Variants in STAU2 observed in about 807,000 individuals in gnomAD.
STAU2 encodes the protein double-stranded RNA-binding protein Staufen homolog 2.
A neutral mutation model predicts 65.9 loss-of-function variants in STAU2; 20 were observed. The ratio of observed to expected loss-of-function variants is 0.30; its 90% CI spans 0.21 to 0.44. The LOEUF (loss-of-function observed/expected upper bound fraction) is 0.44, where lower values mean the gene tolerates loss of function less well. Among genes scored for constraint, STAU2 ranks in the 20% least tolerant of loss-of-function variants. The pLI, the probability that STAU2 is intolerant of heterozygous loss-of-function variation, is 1.00. For missense variants in STAU2, 558 were observed against 683.9 expected (o/e 0.82, Z 2.05); for synonymous variants, 232 against 233.9 (o/e 0.99, Z 0.07).
At chr8:73,689,006 T>A (rs919400909) in intron 4 of STAU2, among the ~76,000 whole-genome samples, 193 bp from the exon 5 acceptor site, 1 of 152,184 alleles carries the variant, frequency 6.6e-6, no homozygotes, top group Admixed American at 6.5e-5. Flanking sequence ...TTCTGTTCTA[T>A]CCTATCCAAA....
At chr8:73,515,362 G>C (rs1444584490) in intron 13 of STAU2, among the ~76,000 whole-genome samples, 1 of 152,172 alleles carries the variant, frequency 6.6e-6, no homozygotes, top group African/African-American at 2.4e-5. Context: ...CTGAATGTCG[G>C]TTCTGCCAGC....
At chr8:73,512,899 CT>C (rs1411910934) in intron 13 of STAU2, among the ~76,000 whole-genome samples, 2 of 152,086 alleles carry the variant, frequency 1.3e-5, no homozygotes, top group Non-Finnish European at 2.9e-5. Context: ...TCTTGAGATT[CT>C]TTATTTGTTG....
intron 13 of STAU2, among the ~76,000 whole-genome samples, chr8:73,461,838 G>C (rs926403934): frequency 6.6e-6 from 1 of 152,068 alleles, no homozygotes; most frequent in Non-Finnish European, 1.5e-5. Flanking sequence ...TCTGCACTTG[G>C]GACTCTGCCC....
At chr8:73,424,876 C>T (rs989242445) in intron 13 of STAU2, among the ~76,000 whole-genome samples, 54 of 151,794 alleles carry the variant, frequency 3.6e-4, no homozygotes, top group African/African-American at 1.3e-3. Flanking sequence ...CCATGCAGAT[C>T]TGCAGCCCTG....
intron 13 of STAU2, among the ~76,000 whole-genome samples, chr8:73,540,010 G>A (rs776850171): frequency 5.3e-5 from 8 of 151,822 alleles, no homozygotes; most frequent in South Asian, 2.1e-4. Flanking sequence ...AAAAATGGCC[G>A]AAAATTTCCC....
intron 13 of STAU2, chr8:73,550,090 G>T (rs1807222382): frequency 5.1e-6 from 5 of 985,292 alleles, no homozygotes; most frequent in Non-Finnish European, 6.0e-6. Context: ...TGCAGGTAGT[G>T]GTCCATCAAT....
At chr8:73,610,741 T>C (rs1812390134) in intron 9 of STAU2, among the ~76,000 whole-genome samples, 2 of 152,208 alleles carry the variant, frequency 1.3e-5, no homozygotes, top group Admixed American at 1.3e-4. Context: ...GCCTTCTTTG[T>C]AGTCTCGTCT....
chr8:73,671,528 G>A (rs1459066124), intron 6 of STAU2, among the ~76,000 whole-genome samples: 1 of 151,948 alleles, frequency 6.6e-6, no homozygotes, highest in Non-Finnish European at 1.5e-5. Context: ...AGTGCAATTG[G>A]GCAATGCTTT....
At chr8:73,711,317 C>G (rs1439122860) in intron 3 of STAU2, among the ~76,000 whole-genome samples, 1 of 151,936 alleles carries the variant, frequency 6.6e-6, no homozygotes, top group Non-Finnish European at 1.5e-5. Flanking sequence ...ACAAGGTAAC[C>G]TGAGACGATA....
In STAU2 at chr8:73,627,210, GGGGGGGGGGGGGA is replaced by G. The variant is rs765318814; in HGVS notation, c.411-9772_411-9760del. On this transcript the variant is annotated intron_variant, in intron 6 of 14. Coordinates refer to ENST00000524300, the MANE Select transcript of STAU2 (RefSeq NM_001164380.2). ...GGAGTGATGCTGCAGGAATACGGCG[GGGGGGGGGGGGGA>G]GGGGGGGGCAGGAGGGCGGGTTCCC... Among the ~76,000 whole-genome samples the G allele has an allele frequency of 6.7e-4, 28 of 41,566 alleles. 7 individuals carry two copies. The highest frequency in any genetic ancestry group is 3.7e-3 in the South Asian group (2 of 538). The allele number at this position is 41,566 out of a possible 152,430, so 27.3% of individuals were successfully genotyped here.
intron 13 of STAU2, chr8:73,549,809 T>C (rs1198568410): frequency 1.0e-6 from 1 of 985,184 alleles, no homozygotes; most frequent in Admixed American, 6.2e-5. Context: ...TTTATTGTTT[T>C]TAAGTTTCAG....
At chr8:73,514,127 T>C (rs779717352) in intron 13 of STAU2, among the ~76,000 whole-genome samples, 1 of 152,216 alleles carries the variant, frequency 6.6e-6, no homozygotes, top group African/African-American at 2.4e-5. Context: ...TTTAGAACTA[T>C]TGTTAAGAGC....
At chr8:73,423,434 C>T (rs1816554261) in intron 13 of STAU2, among the ~76,000 whole-genome samples, 2 of 152,226 alleles carry the variant, frequency 1.3e-5, no homozygotes, top group Admixed American at 6.5e-5. Flanking sequence ...ATGTTCCAAA[C>T]TGTTATTTCT....
chr8:73,593,080 TACCC>T (rs1439820362), intron 11 of STAU2, among the ~76,000 whole-genome samples: 1 of 152,158 alleles, frequency 6.6e-6, no homozygotes, highest in Non-Finnish European at 1.5e-5. Flanking sequence ...ATTCAAATCT[TACCC>T]ATTACATTTG....
chr8:73,534,686 T>G (rs2096156899), intron 13 of STAU2, among the ~76,000 whole-genome samples: 1 of 152,248 alleles, frequency 6.6e-6, no homozygotes, highest in Non-Finnish European at 1.5e-5. Flanking sequence ...GAAAGTAATA[T>G]TAAAGAGAAT....
intron 3 of STAU2, among the ~76,000 whole-genome samples, chr8:73,736,726 G>C (rs117090752): frequency 2.6e-5 from 4 of 152,200 alleles, no homozygotes; most frequent in African/African-American, 9.6e-5. Context: ...AATGCTACAT[G>C]AGTTTGGAGC....
intron 13 of STAU2, chr8:73,440,440 C>T (rs529296912): frequency 5.2e-5 from 8 of 152,390 alleles, no homozygotes; most frequent in African/African-American, 1.9e-4. Flanking sequence ...TGTCCCCGTT[C>T]CACCAGTTGC....
chr8:73,539,357 A>G (rs942904820), intron 13 of STAU2, among the ~76,000 whole-genome samples: 1 of 152,230 alleles, frequency 6.6e-6, no homozygotes, highest in Non-Finnish European at 1.5e-5. Context: ...CACCTATGCT[A>G]ACTATATTTG....
chr8:73,436,644 T>C (rs1817715588), intron 13 of STAU2, among the ~76,000 whole-genome samples: 1 of 151,710 alleles, frequency 6.6e-6, no homozygotes, highest in Non-Finnish European at 1.5e-5. Context: ...TGGAGTGCAG[T>C]GGCGCGATCT....
Sources: gnomAD v4.1 joint callset for allele counts (sites outside exome capture counted in the v4.1 genomes callset) on GRCh38, gnomAD v4.1.1 for gene constraint, MANE v1.5 for transcripts, NCBI Gene and HGNC (gene_info 2026-07-23, HGNC 2026-07-21) for gene names.